Variants in CYP11A1 observed in about 807,000 individuals in gnomAD.
The protein encoded by CYP11A1 is cholesterol side-chain cleavage enzyme, mitochondrial.
CYP11A1 carries 25 observed loss-of-function variants against 51.9 expected under a neutral mutation model. The ratio of observed to expected loss-of-function variants is 0.48; its 90% CI spans 0.35 to 0.67. The LOEUF is 0.67. CYP11A1 is among the 30% of genes least tolerant of loss of function. The probability of loss-of-function intolerance (pLI) is 0.00; values close to 1 mark genes in which losing one functional copy is unlikely to be tolerated. For synonymous variants in CYP11A1, 245 were observed against 262.1 expected (o/e 0.93, Z 0.63); for missense variants, 578 against 680.9 (o/e 0.85, Z 1.68).
rs187574626 is a variant in CYP11A1, at chr15:74,342,403, C to A, written c.990+574G>T. Among the ~76,000 whole-genome samples the A allele has an allele frequency of 3.2e-3, 484 of 152,202 alleles. 2 individuals are homozygous for A. The highest frequency in any genetic ancestry group is 5.5e-3 in the Non-Finnish European group (377 of 68,018). On this transcript the variant is annotated intron_variant, in intron 5 of 8. Transcript: ENST00000268053. ...GGCCAGGACTGATTATTCTTAATAT[C>A]CAAAGAAAGAAGTTTCTAGGGTGCC...
intron 7 of CYP11A1, 64 bp from the exon 8 acceptor site, chr15:74,338,832 C>T: frequency 6.8e-7 from 1 of 1,475,262 alleles, no homozygotes; most frequent in Non-Finnish European, 9.3e-7. Context: ...GCACAAAACC[C>T]CCTTCCCTAG....
At chr15:74,364,063 C>G (rs2060720442) in intron 1 of CYP11A1, 5 of 152,312 alleles carry the variant, frequency 3.3e-5, no homozygotes, top group Admixed American at 3.3e-4. Context: ...TATCCACCCC[C>G]TAAAGTTTCC....
intron 1 of CYP11A1, chr15:74,366,092 G>A (rs2060731697): frequency 2.0e-6 from 2 of 985,406 alleles, no homozygotes; most frequent in African/African-American, 1.7e-5. Flanking sequence ...GGAGGCGGAG[G>A]TGAGCGACCC....
chr15:74,338,789 G>T, intron 7 of CYP11A1, 21 bp from the exon 8 acceptor site: 1 of 1,609,866 alleles, frequency 6.2e-7, no homozygotes, highest in African/African-American at 1.3e-5. Flanking sequence ...GTGATCAGAG[G>T]CCTGAGTAAG....
At chr15:74,361,595 G>C in intron 1 of CYP11A1, 1 of 1,044,336 alleles carries the variant, frequency 9.6e-7, no homozygotes, top group African/African-American at 1.6e-5. Context: ...GTCACGGCGA[G>C]CCCTTGGGTC....
In CYP11A1 at chr15:74,339,645, T is replaced by C. The variant is rs764270391; in HGVS notation, c.1099A>G (p.Met367Val). 1 of 1,613,984 alleles carries C rather than the reference T, an allele frequency of 6.2e-7. No individual in the cohort carries two copies. Among genetic ancestry groups the C allele is most frequent in the Admixed American group, 1.7e-5 (1 of 60,000 alleles). Residue 367 changes from methionine (M) to valine (V), a missense_variant, in exon 6 of 9, where the codon ATG becomes GTG. Physicochemically the swap from Met to Val is conservative, Grantham distance 21 (BLOSUM62 1). Coordinates refer to ENST00000268053, the MANE Select transcript of CYP11A1 (RefSeq NM_000781.3). ...GGGACCAGCTGTAGCATCGTGGCCA[T>C]GTCTCCCTGGGCCTGGTGCCGCGCA... Reference protein sequence around the residue: ...LAARHQAQGDMATMLQLVPLL... With the variant: ...LAARHQAQGDVATMLQLVPLL...
At chr15:74,346,285 G>A (rs1385620933) in intron 2 of CYP11A1, among the ~76,000 whole-genome samples, 2 of 150,626 alleles carry the variant, frequency 1.3e-5, no homozygotes, top group Non-Finnish European at 2.9e-5. Flanking sequence ...CCCGGGAGGC[G>A]GAGGTTGGAG....
intron 5 of CYP11A1, 150 bp downstream of exon 5, chr15:74,342,827 A>C (rs1053544566): frequency 1.1e-5 from 8 of 751,738 alleles, no homozygotes; most frequent in African/African-American, 1.0e-4. Flanking sequence ...TTAGGAGATT[A>C]GCGCTTTGGA....
chr15:74,342,107 G>C (rs1446604675), intron 5 of CYP11A1, among the ~76,000 whole-genome samples: 1 of 152,200 alleles, frequency 6.6e-6, no homozygotes, highest in Non-Finnish European at 1.5e-5. Flanking sequence ...TTTTGAGATG[G>C]AGTCTCACAC....
chr15:74,352,454 A>G (rs1186909644), intron 1 of CYP11A1, among the ~76,000 whole-genome samples: 1 of 152,036 alleles, frequency 6.6e-6, no homozygotes, highest in Non-Finnish European at 1.5e-5. Context: ...ATTTTTTAAT[A>G]GAGACAAGGT....
At chr15:74,362,617 A>C (rs2060713956) in intron 1 of CYP11A1, 1 of 152,368 alleles carries the variant, frequency 6.6e-6, no homozygotes, top group African/African-American at 2.4e-5. Flanking sequence ...CACCCACTGG[A>C]ATGCTTAAGG....
chr15:74,347,524 C>T (rs773122067), intron 2 of CYP11A1, among the ~76,000 whole-genome samples: 1 of 152,218 alleles, frequency 6.6e-6, no homozygotes, highest in Non-Finnish European at 1.5e-5. Context: ...CTGTATGGGA[C>T]TCACGGTGGC....
chr15:74,357,546 A>G (rs925879200), intron 1 of CYP11A1, among the ~76,000 whole-genome samples: 5 of 152,226 alleles, frequency 3.3e-5, no homozygotes, highest in Non-Finnish European at 7.3e-5. Flanking sequence ...ATGCAAACTT[A>G]GCTGATCCCA....
intron 5 of CYP11A1, among the ~76,000 whole-genome samples, chr15:74,342,467 G>A (rs571627461): frequency 2.5e-4 from 38 of 152,178 alleles, no homozygotes; most frequent in Non-Finnish European, 4.4e-4. Flanking sequence ...GCCTCTGGGC[G>A]TTGGGGGCAC....
Position 74,339,278 on chromosome 15 carries a change from C to A in CYP11A1, c.1195G>T (p.Val399Leu), listed in dbSNP as rs200029503. 3.7e-5 allele frequency: 59 copies of A among 1,614,216 alleles called. No homozygotes were observed. In the East Asian group the frequency reaches 1.3e-3, roughly 35 times the overall value. ...PISVTLQRYL[V>L]NDLVLRDYMI... ...TAATCTCGAAGAACCAAGTCATTTACAAGATATCTCTGCAGGGTCACGGAG... is the reference window on the plus strand; with the variant it reads ...TAATCTCGAAGAACCAAGTCATTTAAAAGATATCTCTGCAGGGTCACGGAG... Residue 399 changes from valine to leucine, a missense_variant, in exon 7 of 9, where the codon GTA becomes TTA. Transcript: ENST00000268053.
In CYP11A1 at chr15:74,353,211, T is replaced by G. The variant is rs1052301389; in HGVS notation, c.270-5156A>C. 2.6e-5 allele frequency among the ~76,000 whole-genome samples: 4 copies of G among 152,316 alleles called. No homozygotes were observed. In the East Asian group the frequency reaches 5.8e-4, roughly 22 times the overall value. On this transcript the variant is annotated intron_variant, in intron 1 of 8. Coordinates refer to ENST00000268053, the MANE Select transcript of CYP11A1 (RefSeq NM_000781.3). ...AGTTCAAGTTACAGTTTTGAAAAGG[T>G]TATTTATGAAACAATGTAGTAAGGA...
chr15:74,358,985 C>T (rs1464789372), intron 1 of CYP11A1, among the ~76,000 whole-genome samples: 1 of 152,184 alleles, frequency 6.6e-6, no homozygotes, highest in Non-Finnish European at 1.5e-5. Context: ...ACTCACCAAC[C>T]AAACAAGTAA....
At chr15:74,367,245 G>A in intron 1 of CYP11A1, 72 bp downstream of exon 1, 1 of 1,573,758 alleles carries the variant, frequency 6.4e-7, no homozygotes, top group South Asian at 1.1e-5. Flanking sequence ...TGGGGGAGTG[G>A]GGACTACAGC....
In CYP11A1 at chr15:74,338,519, C is replaced by T. The variant is rs2060590054; in HGVS notation, c.1434+52G>A. The T allele has an allele frequency of 5.1e-6, 8 of 1,582,492 alleles. No individual in the cohort carries two copies. In the East Asian group the frequency reaches 1.8e-4, roughly 35 times the overall value. On this transcript the variant is annotated intron_variant, in intron 8 of 8. Coordinates refer to ENST00000268053, the MANE Select transcript of CYP11A1 (RefSeq NM_000781.3). ...ATAGGAGGAGGAAGATTGGTGCCTT[C>T]ATTAGGGCCAGGGCCAGCCCAGGGT... is the stretch of plus-strand genomic sequence containing the variant.
Sources: gnomAD v4.1 joint callset for allele counts (sites outside exome capture counted in the v4.1 genomes callset) on GRCh38, gnomAD v4.1.1 for gene constraint, MANE v1.5 for transcripts, NCBI Gene and HGNC (gene_info 2026-07-23, HGNC 2026-07-21) for gene names.